The following TTN variants were observed in gnomAD, a reference collection of about 807,000 sequenced individuals.
The protein encoded by TTN is titin.
Under a neutral mutation model 3,223.0 loss-of-function variants are expected in TTN, and 1,525 were observed. The observed-to-expected ratio is 0.47, with a 90% confidence interval of 0.45 to 0.49. The LOEUF (loss-of-function observed/expected upper bound fraction) is 0.49, where lower values mean the gene tolerates loss of function less well. Ranked by LOEUF, TTN falls within the 20% of genes least tolerant of loss-of-function variation. The pLI is 0.00. For synonymous variants in TTN, 14,094 were observed against 15,161.0 expected, an observed-to-expected ratio of 0.93 and a Z score of 5.17; for missense variants, 40,786 against 43,424.0, an observed-to-expected ratio of 0.94 and a Z score of 5.40.
At chr2:178,675,235 A>G (rs2067798068) in intron 149 of TTN, 122 bp from the exon 150 acceptor site, 2 of 576,530 alleles carry the variant, frequency 3.5e-6, no homozygotes, top group Admixed American at 4.0e-5. Flanking sequence ...AAGATGAAAC[A>G]TTGACATTTC....
rs1031193750 is a variant in TTN, at chr2:178,665,035, T to C, written c.36044-109A>G. 5.5e-6 allele frequency: 7 copies of C among 1,274,504 alleles called. No individual in the cohort carries two copies. In the African/African-American group the frequency reaches 9.0e-5, roughly 16 times the overall value. The allele number at this position is 1,274,504 out of a possible 1,614,324, so 78.9% of individuals were successfully genotyped here. On this transcript the variant is annotated intron_variant, in intron 165 of 362. Transcript: ENST00000589042. ...ACATTTTCTTCTCTTTCCTCCATCC[T>C]CCCTTTGTTCCACCAATAGGCTAAG... is the stretch of plus-strand genomic sequence containing the variant.
At chr2:178,770,762 C>T in intron 34 of TTN, 87 bp from the exon 35 acceptor site, 1 of 1,497,436 alleles carries the variant, frequency 6.7e-7, no homozygotes. Flanking sequence ...GCTTACTCAC[C>T]CTGCAAAAGA....
In TTN at chr2:178,546,678, C is replaced by T; in HGVS notation, c.94750G>A (p.Val31584Met). 1 of 1,613,802 alleles carries T rather than the reference C, an allele frequency of 6.2e-7. No individual in the cohort carries two copies. The highest frequency in any genetic ancestry group is 8.5e-7 in the Non-Finnish European group (1 of 1,179,758). Residue 31584 changes from valine to methionine, a missense_variant, in exon 341 of 363, where the codon GTG becomes ATG. By Grantham distance (21) the Val-to-Met change is conservative. Coordinates refer to ENST00000589042, the MANE Select transcript of TTN (RefSeq NM_001267550.2). Reference sequence around the variant, plus strand: ...ACGCCTGCTGCATTCTTGGCTAACACACGGAACTCATAAGTGTCTCCTTCA... The same window carrying T: ...ACGCCTGCTGCATTCTTGGCTAACATACGGAACTCATAAGTGTCTCCTTCA... ...LSEGDTYEFR[V>M]LAKNAAGVIS...
chr2:178,669,218 T>C (rs920634839), intron 159 of TTN, among the ~76,000 whole-genome samples, 155 bp downstream of exon 159: 10 of 152,190 alleles, frequency 6.6e-5, no homozygotes, highest in Non-Finnish European at 1.5e-4. Flanking sequence ...TGTCTGAGGA[T>C]AATAGACACT....
At chr2:178,687,015 A>G (rs138590123) in intron 127 of TTN, among the ~76,000 whole-genome samples, 46 of 152,292 alleles carry the variant, frequency 3.0e-4, no homozygotes, top group African/African-American at 9.9e-4. Flanking sequence ...GAGTTAATGG[A>G]TTTCCTCCTG....
intron 98 of TTN, 146 bp downstream of exon 98, chr2:178,710,488 CT>C (rs2076497184): frequency 9.0e-6 from 9 of 997,932 alleles, no homozygotes; most frequent in Non-Finnish European, 1.2e-5. Flanking sequence ...GACTTCTTCT[CT>C]AGATAAACTT....
chr2:178,562,648 T>G lies in TTN; in HGVS notation c.83484A>C (p.Glu27828Asp), dbSNP rs1234125693. Reference sequence around the variant, plus strand: ...AGTAAGAACATCCTTCTTGTAGATTTTCAATTCTGAAAGTAGTTTTAGTGC... The same window carrying G: ...AGTAAGAACATCCTTCTTGTAGATTGTCAATTCTGAAAGTAGTTTTAGTGC... ...NNCTKTTFRI[E>D]NLQEGCSYYF... Residue 27828 changes from glutamate to aspartate, a missense_variant, in exon 326 of 363, where the codon GAA (glutamate) becomes GAC (aspartate). By Grantham distance (45) the Glu-to-Asp change is conservative (BLOSUM62 2). Transcript: ENST00000589042. The G allele has an allele frequency of 6.2e-7, 1 of 1,600,776 alleles. No individual in the cohort carries two copies. Among genetic ancestry groups the G allele is most frequent in the South Asian group, 1.1e-5 (1 of 87,676 alleles).
In TTN at chr2:178,804,563, G is replaced by A. The variant is rs760167840; in HGVS notation, c.80C>T (p.Ala27Val). The change falls in exon 2 of 363, where the codon GCT becomes GTT. Residue 27 changes from alanine to valine, a missense_variant. Ala to Val is a moderately conservative substitution (Grantham distance 64). Transcript: ENST00000589042. ...ATGTGTGAGCTTACCACTAATGTGA[G>A]CCTCAAAGGTTGCGGTACTACCCTC... ...VLEGSTATFE[A>V]HISGFPVPEV... 7 of 1,613,852 alleles carry A rather than the reference G, an allele frequency of 4.3e-6. No individual in the cohort carries two copies. In the Admixed American group the frequency reaches 6.7e-5, roughly 15 times the overall value.
At chr2:178,788,557 A>C (rs1178925052) in intron 13 of TTN, among the ~76,000 whole-genome samples, 1 of 152,110 alleles carries the variant, frequency 6.6e-6, no homozygotes, top group Non-Finnish European at 1.5e-5. Flanking sequence ...ACTGAGGGAA[A>C]TACAAATAGG....
In TTN at chr2:178,732,424, A is replaced by C. The variant is rs2154310257; in HGVS notation, c.16621+16T>G. On this transcript the variant is annotated intron_variant, in intron 56 of 362. Coordinates refer to ENST00000589042, the MANE Select transcript of TTN (RefSeq NM_001267550.2). Reference sequence around the variant, plus strand: ...TAACAAGGTTAGCACAAAGATGTCAAGAAAACAATGCAAACCTTTTACAAA... The same window carrying C: ...TAACAAGGTTAGCACAAAGATGTCACGAAAACAATGCAAACCTTTTACAAA... 3.8e-6 allele frequency: 6 copies of C among 1,590,346 alleles called. No individual in the cohort carries two copies. Among genetic ancestry groups the C allele is most frequent in the Non-Finnish European group, 3.4e-6 (4 of 1,167,580 alleles).
In TTN at chr2:178,575,908, A is replaced by G. The variant is rs908321623; in HGVS notation, c.70224T>C (p.Tyr23408=). 1.1e-5 allele frequency: 17 copies of G among 1,613,478 alleles called. No homozygotes were observed. Among genetic ancestry groups the G allele is most frequent in the Admixed American group, 1.7e-5 (1 of 59,984 alleles). ...TLLIIPECNR[Y]DTGKFVMTIE... The stretch of plus-strand genomic sequence containing the variant: ...TGGTCATGACAAATTTACCGGTATC[A>G]TATCTGTTACATTCTGGGATAATCA... Residue 23408 remains tyrosine (Y), a synonymous_variant, in exon 326 of 363, where the codon TAT becomes TAC. Coordinates refer to ENST00000589042, the MANE Select transcript of TTN (RefSeq NM_001267550.2). The surrounding 1 kb of genome is among the most constrained non-coding windows in gnomAD (Gnocchi z 4.0).
In TTN at chr2:178,577,785, G is replaced by A. The variant is rs1213930919; in HGVS notation, c.68641C>T (p.Arg22881Ter). The A allele has an allele frequency of 1.2e-6, 2 of 1,613,058 alleles. No homozygotes were observed. The highest frequency in any genetic ancestry group is 8.5e-7 in the Non-Finnish European group (1 of 1,179,488). ...ATCCAAGACTTCGAAGGTAGATCTC[G>A]CTTCTCCACTATATATCCAGTTAAC... ...HKLTGYIVEK[R>*]DLPSKSWMKA... Residue 22881 changes from arginine (R) to a stop codon, truncating the protein, a stop_gained, in exon 323 of 363, where the codon CGA (arginine) becomes TGA (stop). Transcript: ENST00000589042. LOFTEE classifies it high-confidence loss of function.
chr2:178,567,098 G>C lies in TTN; in HGVS notation c.79034C>G (p.Ser26345Cys), dbSNP rs1402438452. 1 of 1,613,362 alleles carries C rather than the reference G, an allele frequency of 6.2e-7. No individual in the cohort carries two copies. The highest frequency in any genetic ancestry group is 1.3e-5 in the African/African-American group (1 of 74,868). Reference protein sequence around the residue: ...TVVASEVVTNSLKVTKLLEGN... With the variant: ...TVVASEVVTNCLKVTKLLEGN... ...TTCTAAGAGTTTGGTAACTTTCAGA[G>C]AATTGGTCACAACTTCTGAAGCAAC... is the stretch of plus-strand genomic sequence containing the variant. Residue 26345 changes from serine to cysteine, a missense_variant, in exon 326 of 363, where the codon TCT (serine) becomes TGT (cysteine). By Grantham distance (112) the Ser-to-Cys change is moderately radical (BLOSUM62 -1). Coordinates refer to ENST00000589042, the MANE Select transcript of TTN (RefSeq NM_001267550.2).
intron 336 of TTN, 142 bp from the exon 337 acceptor site, chr2:178,550,415 GATTGATA>G: frequency 1.5e-6 from 1 of 666,346 alleles, no homozygotes; most frequent in Non-Finnish European, 2.4e-6. Flanking sequence ...TTGAAAGTAG[GATTGATA>G]ATTGAGAATT....
chr2:178,671,320 G>A (rs1350198935), intron 155 of TTN, 150 bp from the exon 156 acceptor site: 2 of 552,318 alleles, frequency 3.6e-6, no homozygotes, highest in Non-Finnish European at 6.1e-6. Flanking sequence ...GATTTGATTT[G>A]CTAAATATCA....
rs769265168 is a variant in TTN, at chr2:178,599,769, A to C, written c.56132T>G (p.Val18711Gly). 5 of 1,612,162 alleles carry C rather than the reference A, an allele frequency of 3.1e-6. No homozygotes were observed. Among genetic ancestry groups the C allele is most frequent in the Non-Finnish European group, 4.2e-6 (5 of 1,179,084 alleles). ...NVNIVAKIKG[V>G]PFPTLTWFKA... Reference sequence around the variant, plus strand: ...AAACCAGGTTAGTGTCGGGAATGGCACACCTTTAATTTTGGCCACAATGTT... The same window carrying C: ...AAACCAGGTTAGTGTCGGGAATGGCCCACCTTTAATTTTGGCCACAATGTT... The change falls in exon 289 of 363, where the codon GTG becomes GGG. Residue 18711 changes from valine to glycine, a missense_variant. By Grantham distance (109) the Val-to-Gly change is moderately radical (BLOSUM62 -3). Coordinates refer to ENST00000589042, the MANE Select transcript of TTN (RefSeq NM_001267550.2).
intron 134 of TTN, 109 bp downstream of exon 134, chr2:178,683,102 G>T: frequency 1.0e-6 from 1 of 959,672 alleles, no homozygotes; most frequent in Non-Finnish European, 1.6e-6. Context: ...TATATACCCT[G>T]CCCTTAATCA....
chr2:178,600,019 C>T (rs1251891047), intron 288 of TTN, among the ~76,000 whole-genome samples, 169 bp from the exon 289 acceptor site: 1 of 151,942 alleles, frequency 6.6e-6, no homozygotes, highest in Non-Finnish European at 1.5e-5. Flanking sequence ...GTTTGGGGAG[C>T]AGGTACACGG....
Position 178,552,023 on chromosome 2 carries a change from C to T in TTN, c.90877G>A (p.Ala30293Thr), listed in dbSNP as rs1299709858. ...GCTCTCACTCTAAACTGGTACTCAG[C>T]ATCTTTGACTAGATTAGGAACTTTG... Reference protein sequence around the residue: ...TFKVPNLVKDAEYQFRVRAEN... With the variant: ...TFKVPNLVKDTEYQFRVRAEN... Residue 30293 changes from alanine (A) to threonine (T), a missense_variant, in exon 335 of 363, where the codon GCT becomes ACT. Transcript: ENST00000589042. 4 of 1,613,122 alleles carry T rather than the reference C, an allele frequency of 2.5e-6. No individual in the cohort carries two copies. Among genetic ancestry groups the T allele is most frequent in the Non-Finnish European group, 2.5e-6 (3 of 1,179,422 alleles).
Sources: allele counts gnomAD v4.1 joint callset (sites outside exome capture counted in the v4.1 genomes callset), GRCh38; gene constraint gnomAD v4.1.1; non-coding constraint Gnocchi (gnomAD v3.1); transcripts MANE v1.5; gene names NCBI Gene and HGNC (gene_info 2026-07-23, HGNC 2026-07-21).